The following ARHGAP32 variants were observed in gnomAD, a reference collection of about 807,000 sequenced individuals.
The protein encoded by ARHGAP32 is rho GTPase-activating protein 32.
ARHGAP32 carries 51 observed loss-of-function variants against 186.5 expected under a neutral mutation model. That is an observed-to-expected ratio of 0.27 (90% confidence interval 0.22 to 0.35). ARHGAP32 has a LOEUF of 0.35. Among genes scored for constraint, ARHGAP32 ranks in the 10% least tolerant of loss-of-function variants. The pLI is 1.00. For missense variants in ARHGAP32, 2,186 were observed against 2,623.5 expected (o/e 0.83, Z 3.64); for synonymous variants, 950 against 964.3 (o/e 0.99, Z 0.27).
intron 1 of ARHGAP32, among the ~76,000 whole-genome samples, chr11:129,227,272 T>C (rs1944797979): frequency 6.6e-6 from 1 of 151,678 alleles, no homozygotes. Context: ...AAAAATATAC[T>C]AAAATACAAG....
Position 128,968,787 on chromosome 11 carries a change from C to T in ARHGAP32, c.*120G>A. ...ATGCTGATTTGTTTACTTTTATTAT[C>T]ATTTTTTAAATGTGGTCAGGGGTTT... On this transcript the variant is annotated 3_prime_UTR_variant, in exon 23 of 23. Transcript: ENST00000682385. 1 of 794,914 alleles carries T rather than the reference C, an allele frequency of 1.3e-6. No individual in the cohort carries two copies. Among genetic ancestry groups the T allele is most frequent in the Non-Finnish European group, 1.8e-6 (1 of 570,818 alleles). The allele number at this position is 794,914 out of a possible 1,614,324, so 49.2% of individuals were successfully genotyped here.
chr11:129,225,933 G>A (rs532256754), intron 1 of ARHGAP32, among the ~76,000 whole-genome samples: 22 of 152,110 alleles, frequency 1.4e-4, no homozygotes, highest in East Asian at 5.8e-4. Flanking sequence ...AGAACCAAAC[G>A]GAAATTCAGG....
intron 6 of ARHGAP32, among the ~76,000 whole-genome samples, chr11:129,075,946 AATAC>A (rs1941027644): frequency 6.6e-6 from 1 of 152,176 alleles, no homozygotes; most frequent in African/African-American, 2.4e-5. Context: ...GTCGGTACAA[AATAC>A]AGATCACAAA....
rs893341484 is a variant in ARHGAP32, at chr11:128,974,015, T to C, written c.3073+109A>G. The C allele has an allele frequency of 3.0e-6, 4 of 1,332,652 alleles. No individual in the cohort carries two copies. In the African/African-American group the frequency reaches 5.9e-5, roughly 20 times the overall value. 82.6% of individuals were successfully genotyped at this position (1,332,652 alleles called of 1,614,324 possible). On this transcript the variant is annotated intron_variant, in intron 21 of 22. Transcript: ENST00000682385. ...GCACCACCCAGAAAAGCATTCTCTT[T>C]GATTAAAGGCTAGCTGTGGACAAAT...
intron 11 of ARHGAP32, among the ~76,000 whole-genome samples, chr11:129,039,851 G>A (rs1273835163): frequency 6.6e-6 from 1 of 152,108 alleles, no homozygotes; most frequent in African/African-American, 2.4e-5. Context: ...ACCCAAGAAG[G>A]ATAAAATTGC....
intron 1 of ARHGAP32, among the ~76,000 whole-genome samples, chr11:129,241,169 C>G (rs1945012271): frequency 6.6e-6 from 1 of 152,092 alleles, no homozygotes. Flanking sequence ...GTACCTGATA[C>G]ACAGCTTACA....
intron 11 of ARHGAP32, among the ~76,000 whole-genome samples, chr11:129,033,141 A>G (rs1939183849): frequency 6.6e-6 from 1 of 152,198 alleles, no homozygotes; most frequent in African/African-American, 2.4e-5. Context: ...GGTGTAGGGG[A>G]ATTTACTGTA....
intron 20 of ARHGAP32, 32 bp downstream of exon 20, chr11:128,976,531 T>C (rs556495258): frequency 2.6e-6 from 4 of 1,551,746 alleles, no homozygotes; most frequent in African/African-American, 1.4e-5. Context: ...CAATATATTA[T>C]AGAATAAAAT....
At chr11:128,981,600 A>G (rs1263069550) in intron 16 of ARHGAP32, 39 bp from the exon 17 acceptor site, 1 of 1,577,712 alleles carries the variant, frequency 6.3e-7, no homozygotes, top group Non-Finnish European at 8.6e-7. Flanking sequence ...TTGTAAAGAT[A>G]GCAGTCGTCA....
intron 11 of ARHGAP32, among the ~76,000 whole-genome samples, chr11:129,009,842 G>A (rs1270233533): frequency 1.3e-5 from 2 of 152,144 alleles, no homozygotes; most frequent in Non-Finnish European, 2.9e-5. Context: ...ATTTGTTTGG[G>A]ATTGCTGGGT....
In ARHGAP32 at chr11:129,133,533, A is replaced by G. The variant is rs146540829; in HGVS notation, c.226-8639T>C. ...GAGCATCCAGAAACAAAAAAGATAC[A>G]TTATGTATTGGTATGGAGTAATAAG... On this transcript the variant is annotated intron_variant, in intron 2 of 22. Transcript: ENST00000682385. 1.5e-3 allele frequency among the ~76,000 whole-genome samples: 226 copies of G among 152,318 alleles called. 1 individual carries two copies. The highest frequency in any genetic ancestry group is 5.0e-3 in the African/African-American group (209 of 41,570).
intron 11 of ARHGAP32, among the ~76,000 whole-genome samples, chr11:129,038,776 A>T (rs573970684): frequency 2.4e-4 from 36 of 150,170 alleles, no homozygotes; most frequent in African/African-American, 9.0e-4. Context: ...AATGTCAGTC[A>T]TTCAGCAGGC....
chr11:129,118,097 A>G (rs1942422361), intron 5 of ARHGAP32, among the ~76,000 whole-genome samples: 1 of 152,048 alleles, frequency 6.6e-6, no homozygotes, highest in South Asian at 2.1e-4. Flanking sequence ...AATTTGGCCA[A>G]ACTACTATTC....
intron 1 of ARHGAP32, among the ~76,000 whole-genome samples, chr11:129,199,210 T>C (rs375557092): frequency 3.9e-5 from 6 of 152,188 alleles, no homozygotes; most frequent in East Asian, 3.8e-4. Context: ...AGCCTGACCA[T>C]GCAACAGAAA....
At chr11:129,262,679 G>A (rs112138734) in intron 1 of ARHGAP32, among the ~76,000 whole-genome samples, 232 of 152,054 alleles carry the variant, frequency 1.5e-3, no homozygotes, top group African/African-American at 5.3e-3. Context: ...TTACAGACAC[G>A]GGCCACCAGG....
intron 1 of ARHGAP32, among the ~76,000 whole-genome samples, chr11:129,273,266 AAGCATGGCAGG>A (rs1190317615): frequency 6.6e-6 from 1 of 152,218 alleles, no homozygotes; most frequent in East Asian, 1.9e-4. Context: ...CCACTGCTTG[AAGCATGGCAGG>A]AGACACACAG....
chr11:129,039,309 T>C (rs770089071), intron 11 of ARHGAP32, among the ~76,000 whole-genome samples: 2 of 152,134 alleles, frequency 1.3e-5, no homozygotes, highest in Non-Finnish European at 2.9e-5. Context: ...AAGCCAAAAA[T>C]GGAAACAACT....
Position 128,975,086 on chromosome 11 carries a change from A to G in ARHGAP32, c.2195-84T>C, listed in dbSNP as rs1002071113. The G allele has an allele frequency of 3.1e-5, 34 of 1,103,112 alleles. No homozygotes were observed. The African/African-American group carries it at 5.2e-4, about 17-fold the overall frequency. The allele number at this position is 1,103,112 out of a possible 1,614,324, so 68.3% of individuals were successfully genotyped here. A position where few individuals can be genotyped will look rare whatever the true frequency, so the allele number is the denominator to read the frequency against. On this transcript the variant is annotated intron_variant, in intron 20 of 22. Coordinates refer to ENST00000682385, the MANE Select transcript of ARHGAP32 (RefSeq NM_001378024.1). The stretch of plus-strand genomic sequence containing the variant: ...TAAGTCACCTACTCAGCACAGCAGT[A>G]ACTTACTATCTAGGTGAAGGAAGTG...
chr11:129,173,806 T>C (rs187436870), intron 1 of ARHGAP32, among the ~76,000 whole-genome samples: 107 of 152,264 alleles, frequency 7.0e-4, no homozygotes, highest in African/African-American at 2.5e-3. Flanking sequence ...AACATTGAAA[T>C]ACTAAATGAT....
Sources: allele counts gnomAD v4.1 joint callset (sites outside exome capture counted in the v4.1 genomes callset), GRCh38; gene constraint gnomAD v4.1.1; transcripts MANE v1.5; gene names NCBI Gene and HGNC (gene_info 2026-07-23, HGNC 2026-07-21).